The following KATNBL1 variants were observed in gnomAD, a reference collection of about 807,000 sequenced individuals.
KATNBL1 encodes the protein katanin regulatory subunit B1 like 1.
A neutral mutation model predicts 44.7 loss-of-function variants in KATNBL1; 28 were observed. That is an observed-to-expected ratio of 0.63 (90% CI 0.46 to 0.86). The LOEUF (loss-of-function observed/expected upper bound fraction) is 0.86. Among genes scored for constraint, KATNBL1 ranks in the 40% least tolerant of loss-of-function variants. The pLI is 0.00. For missense variants in KATNBL1, 272 were observed against 350.7 expected (o/e 0.78, Z 1.79); for synonymous variants, 78 against 114.9 (o/e 0.68, Z 2.06).
chr15:34,157,042 A>C (rs1382304442), intron 2 of KATNBL1, among the ~76,000 whole-genome samples: 2 of 152,204 alleles, frequency 1.3e-5, no homozygotes, highest in Non-Finnish European at 2.9e-5. Flanking sequence ...ACAGAATTCC[A>C]GTCTGAGAAG....
At chr15:34,150,941 G>A (rs80203313) in intron 4 of KATNBL1, among the ~76,000 whole-genome samples, 2 of 151,996 alleles carry the variant, frequency 1.3e-5, no homozygotes, top group Non-Finnish European at 2.9e-5. Flanking sequence ...ACATGATCTT[G>A]TTCTTTTTAT....
chr15:34,151,309 G>A (rs1888462517), intron 4 of KATNBL1, among the ~76,000 whole-genome samples: 1 of 151,942 alleles, frequency 6.6e-6, no homozygotes, highest in Admixed American at 6.6e-5. Context: ...TCCTGTTGTG[G>A]TTTTGATTTG....
At chr15:34,148,556 C>T in intron 5 of KATNBL1, 76 bp downstream of exon 5, 1 of 854,086 alleles carries the variant, frequency 1.2e-6, no homozygotes. Flanking sequence ...CCACTGTACT[C>T]CAACTTGGAT....
At chr15:34,174,687 G>A (rs991913002) in intron 1 of KATNBL1, among the ~76,000 whole-genome samples, 1 of 150,866 alleles carries the variant, frequency 6.6e-6, no homozygotes, top group Non-Finnish European at 1.5e-5. Context: ...TTCTTAATTC[G>A]CTTTGTCGCC....
chr15:34,158,376 A>T (rs1051660380), intron 2 of KATNBL1, among the ~76,000 whole-genome samples: 3 of 152,210 alleles, frequency 2.0e-5, no homozygotes, highest in African/African-American at 7.2e-5. Context: ...GGGAAAGAAG[A>T]TGGGAACTGC....
In KATNBL1 at chr15:34,146,553, AG is replaced by A. The variant is rs141912207; in HGVS notation, c.788+207del. ...TGAAGGGTAGGGTTGTGCCAGAAGAAGAGATACAGGAGGTTAGTAGGCTCTG... is the reference window on the plus strand; with the variant it reads ...TGAAGGGTAGGGTTGTGCCAGAAGAAAGATACAGGAGGTTAGTAGGCTCTG... On this transcript the variant is annotated intron_variant, in intron 8 of 9. Transcript: ENST00000256544. 4.7e-3 allele frequency: 2,317 copies of A among 488,636 alleles called. 50 individuals are homozygous for A. Among genetic ancestry groups the A allele is most frequent in the African/African-American group, 0.041 (2,113 of 51,078 alleles). The allele number at this position is 488,636 out of a possible 1,614,324, so 30.3% of individuals were successfully genotyped here. A position where few individuals can be genotyped will look rare whatever the true frequency, so the allele number is the denominator to read the frequency against.
At chr15:34,199,967 C>G (rs1890136264) in intron 1 of KATNBL1, 1 of 151,522 alleles carries the variant, frequency 6.6e-6, no homozygotes, top group African/African-American at 2.4e-5. Flanking sequence ...GCCCATTTTA[C>G]AGAGTGCTGA....
At chr15:34,190,447 G>A (rs903529074) in intron 1 of KATNBL1, among the ~76,000 whole-genome samples, 3 of 152,284 alleles carry the variant, frequency 2.0e-5, no homozygotes, top group South Asian at 2.1e-4. Flanking sequence ...CACTGGTCCC[G>A]AAGACAAACA....
chr15:34,170,035 C>T (rs554774629), intron 1 of KATNBL1, among the ~76,000 whole-genome samples: 3 of 152,100 alleles, frequency 2.0e-5, no homozygotes, highest in Non-Finnish European at 2.9e-5. Context: ...GCACAAGACA[C>T]GGATGCCCTC....
intron 9 of KATNBL1, among the ~76,000 whole-genome samples, chr15:34,144,371 G>A (rs760030990): frequency 1.3e-4 from 20 of 151,140 alleles, no homozygotes; most frequent in South Asian, 1.1e-3. Context: ...TTTTGTCTCC[G>A]AGAAAAATGT....
chr15:34,202,087 T>C (rs1293194776), intron 1 of KATNBL1, among the ~76,000 whole-genome samples: 1 of 152,182 alleles, frequency 6.6e-6, no homozygotes, highest in African/African-American at 2.4e-5. Context: ...CAATCGCCCA[T>C]AGATAATGAG....
At chr15:34,169,522 C>T (rs1889092330) in intron 1 of KATNBL1, among the ~76,000 whole-genome samples, 1 of 152,196 alleles carries the variant, frequency 6.6e-6, no homozygotes, top group Non-Finnish European at 1.5e-5. Flanking sequence ...CAAAGAGGAG[C>T]TGGTACCATT....
At chr15:34,163,527 G>GTCT in intron 2 of KATNBL1, 33 bp downstream of exon 2, 39 of 1,573,038 alleles carry the variant, frequency 2.5e-5, no homozygotes, top group Non-Finnish European at 3.3e-5. Context: ...CGTTTAAATT[G>GTCT]TCTTATCTGT....
chr15:34,198,567 T>G (rs1890085890), intron 1 of KATNBL1, among the ~76,000 whole-genome samples: 1 of 152,230 alleles, frequency 6.6e-6, no homozygotes. Flanking sequence ...TCTCTACATT[T>G]TAATCAATGT....
intron 1 of KATNBL1, among the ~76,000 whole-genome samples, chr15:34,179,954 T>A (rs1889470214): frequency 6.6e-6 from 1 of 152,214 alleles, no homozygotes; most frequent in African/African-American, 2.4e-5. Flanking sequence ...GAAATGCCAA[T>A]ACATGGAGGT....
At chr15:34,190,821 G>GC (rs1333671972) in intron 1 of KATNBL1, among the ~76,000 whole-genome samples, 4 of 152,072 alleles carry the variant, frequency 2.6e-5, no homozygotes, top group Non-Finnish European at 5.9e-5. Flanking sequence ...AGCTTCAACT[G>GC]CCTGTTACCA....
At chr15:34,196,663 G>A (rs1374335600) in intron 1 of KATNBL1, among the ~76,000 whole-genome samples, 1 of 152,140 alleles carries the variant, frequency 6.6e-6, no homozygotes, top group African/African-American at 2.4e-5. Context: ...AGGAAGCAGA[G>A]GCTGCAGTGA....
chr15:34,147,074 A>G, intron 7 of KATNBL1, 126 bp downstream of exon 7: 1 of 657,996 alleles, frequency 1.5e-6, no homozygotes, highest in East Asian at 2.7e-5. Flanking sequence ...TCCTAATTGT[A>G]CTATTAGCTT....
intron 1 of KATNBL1, among the ~76,000 whole-genome samples, chr15:34,184,302 T>C (rs980024246): frequency 6.4e-5 from 5 of 78,474 alleles, no homozygotes; most frequent in Non-Finnish European, 1.3e-4. Context: ...CGAGACTCTG[T>C]CTCAAAAAAA....
Sources: allele counts gnomAD v4.1 joint callset (sites outside exome capture counted in the v4.1 genomes callset), GRCh38; gene constraint gnomAD v4.1.1; transcripts MANE v1.5; gene names NCBI Gene and HGNC (gene_info 2026-07-23, HGNC 2026-07-21).